The following ABCA13 variants were observed in gnomAD, a reference collection of about 807,000 sequenced individuals.
ABCA13 encodes ATP-binding cassette sub-family A member 13.
In ABCA13, 476 loss-of-function variants were observed where a neutral mutation model predicts 478.7. That is an observed-to-expected ratio of 0.99 (90% CI 0.92 to 1.07). ABCA13 has a LOEUF of 1.07. Ranked by LOEUF, ABCA13 falls within the 50% of genes least tolerant of loss-of-function variation. The pLI, the probability that ABCA13 is intolerant of heterozygous loss-of-function variation, is 0.00. For missense variants in ABCA13, 6,060 were observed against 5,910.6 expected (o/e 1.03, Z -0.83); for synonymous variants, 2,252 against 2,158.9 (o/e 1.04, Z -1.20).
intron 59 of ABCA13, among the ~76,000 whole-genome samples, chr7:48,625,544 C>A (rs565632113): frequency 6.6e-6 from 1 of 152,322 alleles, no homozygotes; most frequent in South Asian, 2.1e-4. Context: ...ACCTCCATAT[C>A]CTCAGCGTGT....
chr7:48,215,293 A>G (rs1205680760), intron 3 of ABCA13, among the ~76,000 whole-genome samples: 20 of 151,996 alleles, frequency 1.3e-4, no homozygotes, highest in Admixed American at 1.3e-3. Flanking sequence ...AGATGGGGGA[A>G]TGGCCAAACA....
chr7:48,578,672 G>GTGT (rs1788417308), intron 55 of ABCA13, among the ~76,000 whole-genome samples: 1 of 152,098 alleles, frequency 6.6e-6, no homozygotes, highest in African/African-American at 2.4e-5. Flanking sequence ...CAAAATCCCA[G>GTGT]TGTTACTTTG....
At chr7:48,602,055 C>A (rs1020643668) in intron 58 of ABCA13, among the ~76,000 whole-genome samples, 1 of 152,120 alleles carries the variant, frequency 6.6e-6, no homozygotes, top group Non-Finnish European at 1.5e-5. Flanking sequence ...CCTTTGCCCA[C>A]TTTTTGATGG....
chr7:48,567,615 A>G (rs1300931205), intron 55 of ABCA13, among the ~76,000 whole-genome samples: 1 of 152,110 alleles, frequency 6.6e-6, no homozygotes, highest in Non-Finnish European at 1.5e-5. Flanking sequence ...TGAGTATATA[A>G]TACTCATAAA....
At chr7:48,382,246 A>G (rs1478524891) in intron 35 of ABCA13, among the ~76,000 whole-genome samples, 1 of 152,140 alleles carries the variant, frequency 6.6e-6, no homozygotes, top group African/African-American at 2.4e-5. Context: ...TCACCTCTGC[A>G]TCCTACCTGC....
chr7:48,249,300 G>T lies in ABCA13; in HGVS notation c.1954G>T (p.Glu652Ter), dbSNP rs115106863. The T allele has an allele frequency of 6.2e-7, 1 of 1,613,226 alleles. No homozygotes were observed. Among genetic ancestry groups the T allele is most frequent in the Non-Finnish European group, 8.5e-7 (1 of 1,179,450 alleles). Reference protein sequence around the residue: ...AFKKFIRKTCEVAQYVNMQES... With the variant: ...AFKKFIRKTC ...CAAAAAGTTTATCAGGAAGACTTGC[G>T]AAGTGGCCCAATATGTAAATATGCA... The change falls in exon 15 of 62, where the codon GAA becomes TAA. Residue 652 changes from glutamate to a stop codon, truncating the protein, a stop_gained. Coordinates refer to ENST00000435803, the MANE Select transcript of ABCA13 (RefSeq NM_152701.5). LOFTEE classifies it high-confidence loss of function.
At chr7:48,451,485 T>C (rs1825028291) in intron 42 of ABCA13, among the ~76,000 whole-genome samples, 1 of 152,306 alleles carries the variant, frequency 6.6e-6, no homozygotes, top group Non-Finnish European at 1.5e-5. Context: ...CTCAATAATA[T>C]TAGATGTTAA....
chr7:48,406,555 C>T (rs1289751732), intron 39 of ABCA13, among the ~76,000 whole-genome samples: 1 of 152,184 alleles, frequency 6.6e-6, no homozygotes, highest in Non-Finnish European at 1.5e-5. Context: ...AACAGTCAAA[C>T]AGTGTCTTGG....
At chr7:48,359,195 T>C (rs770536532) in intron 31 of ABCA13, among the ~76,000 whole-genome samples, 6 of 151,920 alleles carry the variant, frequency 3.9e-5, no homozygotes, top group Non-Finnish European at 8.8e-5. Context: ...CGCCAGGCAC[T>C]GTGAATGGGT....
At chr7:48,213,970 A>C (rs1786063361) in intron 3 of ABCA13, among the ~76,000 whole-genome samples, 1 of 152,226 alleles carries the variant, frequency 6.6e-6, no homozygotes, top group South Asian at 2.1e-4. Flanking sequence ...TCTCCACTGA[A>C]GTCTGGAACC....
intron 44 of ABCA13, among the ~76,000 whole-genome samples, chr7:48,468,836 CCT>C (rs1429505213): frequency 1.3e-5 from 2 of 152,162 alleles, no homozygotes; most frequent in Non-Finnish European, 2.9e-5. Context: ...TTTGTACCTC[CCT>C]CTCATACGAA....
At chr7:48,428,448 G>A (rs1821725018) in intron 42 of ABCA13, among the ~76,000 whole-genome samples, 1 of 152,148 alleles carries the variant, frequency 6.6e-6, no homozygotes, top group Non-Finnish European at 1.5e-5. Flanking sequence ...TTTATTAGCA[G>A]CAACTCAGCA....
chr7:48,578,016 A>C (rs1788355908), intron 55 of ABCA13, among the ~76,000 whole-genome samples: 1 of 152,154 alleles, frequency 6.6e-6, no homozygotes, highest in Admixed American at 6.5e-5. Context: ...TTTTTCACAA[A>C]AGCCAACACT....
chr7:48,274,112 G>T lies in ABCA13; in HGVS notation c.4446G>T (p.Lys1482Asn). 1 of 1,606,840 alleles carries T rather than the reference G, an allele frequency of 6.2e-7. No individual in the cohort carries two copies. The highest frequency in any genetic ancestry group is 8.5e-7 in the Non-Finnish European group (1 of 1,176,504). The change falls in exon 17 of 62, where the codon AAG becomes AAT. Residue 1482 changes from lysine to asparagine, a missense_variant. Physicochemically the swap from Lys to Asn is moderately conservative, Grantham distance 94. Around this residue, in one of 3 missense-constraint regions of ABCA13, gnomAD observed 4,423 missense variants for 4,309.1 expected, o/e 1.03. Transcript: ENST00000435803. Reference sequence around the variant, plus strand: ...TTACTACAGTCTTTGAAAAAGAGAAGAAACCTAAATTTGAGATTTTATTAG... The same window carrying T: ...TTACTACAGTCTTTGAAAAAGAGAATAAACCTAAATTTGAGATTTTATTAG... The part of the protein sequence containing the change: ...IVLTTVFEKE[K>N]KPKFEILLAL...
intron 24 of ABCA13, among the ~76,000 whole-genome samples, chr7:48,311,559 G>T (rs1335446343): frequency 1.3e-5 from 2 of 152,128 alleles, no homozygotes; most frequent in Non-Finnish European, 2.9e-5. Context: ...TGAAGTAAGT[G>T]CTTGTAGAGG....
intron 3 of ABCA13, among the ~76,000 whole-genome samples, chr7:48,200,710 C>G (rs1012164865): frequency 2.0e-5 from 3 of 152,116 alleles, no homozygotes. Flanking sequence ...GAGTGAAGCA[C>G]GCTGTCAGTA....
chr7:48,291,886 G>A (rs1798591486), intron 20 of ABCA13, among the ~76,000 whole-genome samples: 1 of 151,996 alleles, frequency 6.6e-6, no homozygotes, highest in South Asian at 2.1e-4. Flanking sequence ...CCATCCCCAC[G>A]TCACTCAGCT....
Position 48,244,621 on chromosome 7 carries a change from C to T in ABCA13, c.1308C>T (p.Pro436=). Reference sequence around the variant, plus strand: ...TGCAAAGCTTGCTGCAAAACCTGCCCCAGTGGCCGGCACTGAAGAGATTTC... The same window carrying T: ...TGCAAAGCTTGCTGCAAAACCTGCCTCAGTGGCCGGCACTGAAGAGATTTC... ...WKLQSLLQNL[P]QWPALKRFLQ... The change falls in exon 11 of 62, where the codon CCC becomes CCT. Residue 436 remains proline (P), a synonymous_variant. Transcript: ENST00000435803. 1.2e-6 allele frequency: 2 copies of T among 1,613,414 alleles called. No individual in the cohort carries two copies. Among genetic ancestry groups the T allele is most frequent in the Non-Finnish European group, 1.7e-6 (2 of 1,179,604 alleles).
chr7:48,404,024 T>A, intron 39 of ABCA13, 145 bp downstream of exon 39: 2 of 959,360 alleles, frequency 2.1e-6, no homozygotes, highest in Non-Finnish European at 3.2e-6. Flanking sequence ...AAAGCACTTA[T>A]AGGGATATAT....
Sources: allele counts gnomAD v4.1 joint callset (sites outside exome capture counted in the v4.1 genomes callset), GRCh38; gene constraint gnomAD v4.1.1; regional missense constraint gnomAD v4.1.1; transcripts MANE v1.5; gene names NCBI Gene and HGNC (gene_info 2026-07-23, HGNC 2026-07-21).